Variants in PATJ observed in about 807,000 individuals in gnomAD.
PATJ encodes inaD-like protein.
In PATJ, 190 loss-of-function variants were observed where a neutral mutation model predicts 224.9. That is an observed-to-expected ratio of 0.84 (90% CI 0.75 to 0.95). The LOEUF (loss-of-function observed/expected upper bound fraction) is 0.95, where lower values mean the gene tolerates loss of function less well. PATJ is among the 40% of genes least tolerant of loss of function. PATJ has a pLI of 0.00. For missense variants in PATJ, 2,121 were observed against 2,270.3 expected, an observed-to-expected ratio of 0.93 and a Z score of 1.34; for synonymous variants, 769 against 820.3, an observed-to-expected ratio of 0.94 and a Z score of 1.07.
chr1:61,920,326 G>C (rs1165974689), intron 26 of PATJ, among the ~76,000 whole-genome samples: 4 of 152,066 alleles, frequency 2.6e-5, no homozygotes, highest in African/African-American at 7.2e-5. Context: ...TGAATCATGG[G>C]GGCGGGTCTT....
intron 12 of PATJ, among the ~76,000 whole-genome samples, chr1:61,804,572 C>T (rs947449186): frequency 3.3e-5 from 5 of 152,126 alleles, no homozygotes; most frequent in Admixed American, 2.0e-4. Flanking sequence ...AATCTTAAGA[C>T]AAAATTGAGA....
intron 25 of PATJ, among the ~76,000 whole-genome samples, 183 bp from the exon 26 acceptor site, chr1:61,914,404 A>C (rs957853248): frequency 2.0e-5 from 3 of 152,144 alleles, no homozygotes; most frequent in African/African-American, 7.2e-5. Context: ...TACAGTGAGC[A>C]GAGATTGTGC....
chr1:61,776,139 C>T (rs1646900815), intron 7 of PATJ, among the ~76,000 whole-genome samples: 2 of 152,200 alleles, frequency 1.3e-5, no homozygotes. Flanking sequence ...ACTATTGCTT[C>T]ACCTTATGCA....
intron 21 of PATJ, among the ~76,000 whole-genome samples, chr1:61,877,880 T>C (rs1231773493): frequency 6.6e-6 from 1 of 152,186 alleles, no homozygotes; most frequent in Non-Finnish European, 1.5e-5. Context: ...ATTACCTGAT[T>C]ACAGAGGCCC....
At chr1:61,892,133 A>G (rs1669690490) in intron 22 of PATJ, among the ~76,000 whole-genome samples, 2 of 152,190 alleles carry the variant, frequency 1.3e-5, no homozygotes, top group South Asian at 4.1e-4. Context: ...AAATAACCCT[A>G]CTAGTTTAGA....
chr1:62,015,936 T>C (rs1646748307), intron 28 of PATJ, among the ~76,000 whole-genome samples: 1 of 152,114 alleles, frequency 6.6e-6, no homozygotes, highest in Non-Finnish European at 1.5e-5. Context: ...CCCAAAGTGC[T>C]GACTATAGGC....
At chr1:61,916,818 T>G (rs2149244005) in intron 26 of PATJ, among the ~76,000 whole-genome samples, 1 of 152,180 alleles carries the variant, frequency 6.6e-6, no homozygotes, top group East Asian at 1.9e-4. Flanking sequence ...GGGTAGGGAA[T>G]GGGGAATGCT....
At chr1:62,067,728 G>A (rs1656720092) in intron 31 of PATJ, among the ~76,000 whole-genome samples, 2 of 152,174 alleles carry the variant, frequency 1.3e-5, no homozygotes, top group Non-Finnish European at 2.9e-5. Context: ...AAACATTAGT[G>A]TTTGTTTGTT....
intron 31 of PATJ, among the ~76,000 whole-genome samples, chr1:62,075,327 T>C (rs1658107684): frequency 6.6e-6 from 1 of 152,216 alleles, no homozygotes; most frequent in Admixed American, 6.5e-5. Flanking sequence ...AATCAGAAGC[T>C]GGCTGATCAT....
At chr1:61,953,913 C>T (rs1680071732) in intron 27 of PATJ, among the ~76,000 whole-genome samples, 3 of 152,208 alleles carry the variant, frequency 2.0e-5, no homozygotes, top group Admixed American at 2.0e-4. Flanking sequence ...GCTCCAAACA[C>T]CGCAGTGGAA....
At chr1:61,940,587 G>A (rs112616491) in intron 27 of PATJ, among the ~76,000 whole-genome samples, 20,013 of 151,652 alleles carry the variant, frequency 0.13, 1,802 homozygotes, top group Middle Eastern at 0.22. Context: ...GTGGTGGCAC[G>A]CACCTGTAGT....
chr1:61,999,006 G>A (rs1224861996), intron 28 of PATJ, among the ~76,000 whole-genome samples: 2 of 151,964 alleles, frequency 1.3e-5, no homozygotes, highest in Non-Finnish European at 2.9e-5. Context: ...TCTCTCCAGT[G>A]AGCCAAATTA....
At chr1:62,096,097 A>G (rs1273587537) in intron 33 of PATJ, among the ~76,000 whole-genome samples, 1 of 152,180 alleles carries the variant, frequency 6.6e-6, no homozygotes, top group Non-Finnish European at 1.5e-5. Flanking sequence ...AAAACAAAAA[A>G]AGACACTAAA....
At chr1:61,982,045 T>C (rs1391469187) in intron 27 of PATJ, among the ~76,000 whole-genome samples, 1 of 151,938 alleles carries the variant, frequency 6.6e-6, no homozygotes, top group Non-Finnish European at 1.5e-5. Flanking sequence ...CACATACACA[T>C]CTGCAGGGGA....
chr1:62,035,802 C>T (rs1650279168), intron 29 of PATJ, among the ~76,000 whole-genome samples: 1 of 151,798 alleles, frequency 6.6e-6, no homozygotes, highest in Non-Finnish European at 1.5e-5. Flanking sequence ...AAGGAGCAGA[C>T]CTATAACAGC....
At chr1:61,742,965 C>G (rs1239560886) in intron 1 of PATJ, among the ~76,000 whole-genome samples, 2 of 152,146 alleles carry the variant, frequency 1.3e-5, no homozygotes, top group South Asian at 2.1e-4. Context: ...GGCACGGATC[C>G]TATTTTGCGC....
At chr1:61,915,942 G>A (rs749851748) in intron 26 of PATJ, among the ~76,000 whole-genome samples, 5 of 152,014 alleles carry the variant, frequency 3.3e-5, no homozygotes, top group Non-Finnish European at 7.4e-5. Flanking sequence ...TGATCCACCT[G>A]CCTCGGCCTC....
In PATJ at chr1:61,864,543, T is replaced by C. The variant is rs1248306145; in HGVS notation, c.2745T>C (p.Asp915=). 1.9e-6 allele frequency: 3 copies of C among 1,613,400 alleles called. No homozygotes were observed. The highest frequency in any genetic ancestry group is 2.5e-6 in the Non-Finnish European group (3 of 1,179,678). ...ELHFGTQWLH[D]NEPSESQEAR... is the part of the protein sequence containing the mutation. ...ACTTTGGTACACAGTGGTTGCATGA[T>C]AATGAACCATCCGAGTCTCAAGAGG... The change falls in exon 20 of 44, where the codon GAT becomes GAC. Residue 915 remains aspartate, a synonymous_variant. Transcript: ENST00000642238.
chr1:61,773,670 C>G (rs1210921168), intron 6 of PATJ, among the ~76,000 whole-genome samples: 2 of 151,904 alleles, frequency 1.3e-5, no homozygotes, highest in Non-Finnish European at 2.9e-5. Flanking sequence ...GCTTGTAATC[C>G]CAGCTGGTCG....
Sources: gnomAD v4.1 joint callset for allele counts (sites outside exome capture counted in the v4.1 genomes callset) on GRCh38, gnomAD v4.1.1 for gene constraint, MANE v1.5 for transcripts, NCBI Gene and HGNC (gene_info 2026-07-23, HGNC 2026-07-21) for gene names.